Variants in CLUH observed in about 807,000 individuals in gnomAD.
CLUH encodes clustered mitochondria protein homolog.
In CLUH, 77 loss-of-function variants were observed where a neutral mutation model predicts 139.3. That is an observed-to-expected ratio of 0.55 (90% CI 0.46 to 0.67). The LOEUF (loss-of-function observed/expected upper bound fraction) is 0.67. Among genes scored for constraint, CLUH ranks in the 30% least tolerant of loss-of-function variants. CLUH has a pLI of 0.00. For synonymous variants in CLUH, 999 were observed against 801.6 expected (o/e 1.25, Z -4.16); for missense variants, 1,876 against 1,875.8 (o/e 1.00, Z 0.00).
intron 3 of CLUH, among the ~76,000 whole-genome samples, chr17:2,702,893 G>C (rs748810475): frequency 6.6e-6 from 1 of 151,498 alleles, no homozygotes; most frequent in Non-Finnish European, 1.5e-5. Flanking sequence ...GGCACGATCC[G>C]GGCACACTGC....
At chr17:2,691,714 G>A (rs763264786) in intron 24 of CLUH, 32 bp from the exon 25 acceptor site, 8 of 1,605,506 alleles carry the variant, frequency 5.0e-6, no homozygotes, top group Non-Finnish European at 6.8e-6. Flanking sequence ...GGTGAGCGGG[G>A]CTCCCGCGCT....
rs1161451750 is a variant in CLUH at position 2,696,135 on chromosome 17, C to A, written c.2391+24G>T. 2.0e-6 allele frequency: 3 copies of A among 1,537,870 alleles called. No homozygotes were observed. The African/African-American group carries it at 4.1e-5, about 21-fold the overall frequency. On this transcript the variant is annotated intron_variant, in intron 13 of 25. Coordinates refer to ENST00000651024, the MANE Select transcript of CLUH (RefSeq NM_001366661.1). Reference sequence around the variant, plus strand: ...CCAGCACCCTCCACACAAGCCCCACCCAGCCCCGCAGCCCCTCCCTCACCA... The same window carrying A: ...CCAGCACCCTCCACACAAGCCCCACACAGCCCCGCAGCCCCTCCCTCACCA...
At chr17:2,696,052 A>G (rs1398188349) in intron 13 of CLUH, 107 bp downstream of exon 13, 4 of 924,628 alleles carry the variant, frequency 4.3e-6, no homozygotes, top group Non-Finnish European at 5.0e-6. Flanking sequence ...GGAAAGCTGA[A>G]AAAGTCACTC....
intron 24 of CLUH, 37 bp from the exon 25 acceptor site, chr17:2,691,719 C>T (rs760405042): frequency 8.7e-6 from 14 of 1,604,186 alleles, no homozygotes; most frequent in Admixed American, 8.5e-5. Flanking sequence ...GCGGGGCTCC[C>T]GCGCTCGCCG....
At position 2,694,293 on chromosome 17, in the gene CLUH, C is replaced by T. The variant is rs752140709; in HGVS notation, c.2938-17G>A. 6.4e-7 allele frequency: 1 copy of T among 1,570,244 alleles called. No individual in the cohort carries two copies. The highest frequency in any genetic ancestry group is 8.6e-7 in the Non-Finnish European group (1 of 1,156,278). On this transcript the variant is annotated splice_polypyrimidine_tract_variant and intron_variant, in intron 17 of 25. Coordinates refer to ENST00000651024, the MANE Select transcript of CLUH (RefSeq NM_001366661.1). ...CAGCAGGACCTGGGGGGCAGCCCCCCCACCACAGGAAGCCTCAGGCCCAGG... is the reference window on the plus strand; with the variant it reads ...CAGCAGGACCTGGGGGGCAGCCCCCTCACCACAGGAAGCCTCAGGCCCAGG...
At chr17:2,691,928 C>T (rs746382623) in intron 23 of CLUH, 33 bp from the exon 24 acceptor site, 50 of 1,147,534 alleles carry the variant, frequency 4.4e-5, no homozygotes, top group Admixed American at 9.8e-5. Context: ...CAGGCCCCCC[C>T]GTGCCCCCGC....
At position 2,690,585 on chromosome 17, in the gene CLUH, G is replaced by A. The variant is rs1355340527; in HGVS notation, c.*9C>T. 1.4e-6 allele frequency: 2 copies of A among 1,448,118 alleles called. No individual in the cohort carries two copies. The highest frequency in any genetic ancestry group is 9.1e-7 in the Non-Finnish European group (1 of 1,098,256). The allele number at this position is 1,448,118 out of a possible 1,614,324, so 89.7% of individuals were successfully genotyped here. ...GGGCCGCTGGCTGGCTGTCCGTCTG[G>A]CTCCCTCTCTATCCCTGCACGCTCG... On this transcript the variant is annotated 3_prime_UTR_variant, in exon 26 of 26. Transcript: ENST00000651024.
chr17:2,694,826 AC>A, intron 16 of CLUH, 30 bp downstream of exon 16: 1 of 796,144 alleles, frequency 1.3e-6, no homozygotes, highest in Non-Finnish European at 1.8e-6. Context: ...GCCCAATCCC[AC>A]CCACCCCACC....
At chr17:2,692,224 G>T in intron 22 of CLUH, 127 bp from the exon 23 acceptor site, 1 of 1,446,488 alleles carries the variant, frequency 6.9e-7, no homozygotes, top group Admixed American at 2.1e-5. Flanking sequence ...AGCAAGTCCA[G>T]GGCTCAGGGA....
At chr17:2,692,723 G>T in intron 20 of CLUH, 27 bp from the exon 21 acceptor site, 2 of 1,605,158 alleles carry the variant, frequency 1.2e-6, no homozygotes, top group African/African-American at 2.7e-5. Flanking sequence ...GACAGGTCAG[G>T]GTGGCCGCGG....
intron 13 of CLUH, 93 bp downstream of exon 13, chr17:2,696,066 C>T (rs1437568793): frequency 9.7e-6 from 10 of 1,035,590 alleles, no homozygotes; most frequent in Non-Finnish European, 1.0e-5. Flanking sequence ...GTCACTCCTG[C>T]GAGCCTGTGT....
Position 2,702,045 on chromosome 17 carries a change from A to C in CLUH, c.488T>G (p.Val163Gly), listed in dbSNP as rs2070204101. 1.2e-6 allele frequency: 2 copies of C among 1,613,572 alleles called. No homozygotes were observed. The highest frequency in any genetic ancestry group is 2.2e-5 in the South Asian group (2 of 91,002). ...GCGCACGTGGATGCGGGCCTCACGC[A>C]CCGTGTACGGCTCTGTCAGGAAGGC... is the stretch of plus-strand genomic sequence containing the variant. ...VLRVVEEPYT[V>G]REARIHVRHV... The change falls in exon 4 of 26, where the codon GTG (valine) becomes GGG (glycine). Residue 163 changes from valine to glycine, a missense_variant. Physicochemically the swap from Val to Gly is moderately radical, Grantham distance 109. This residue lies in a region of CLUH where 270 missense variants were observed against 354.7 expected (regional missense o/e 0.76). Coordinates refer to ENST00000651024, the MANE Select transcript of CLUH (RefSeq NM_001366661.1).
In CLUH at chr17:2,701,909, C is replaced by T. The variant is rs540418975; in HGVS notation, c.619+5G>A. The stretch of plus-strand genomic sequence containing the variant: ...CCCAATCCCCGGCCCCAGTGCCTCC[C>T]GCACCTCCCAGGTCGCCGTCGGTGA... On this transcript the variant is annotated splice_donor_5th_base_variant and intron_variant, in intron 4 of 25. Coordinates refer to ENST00000651024, the MANE Select transcript of CLUH (RefSeq NM_001366661.1). The T allele has an allele frequency of 1.7e-5, 28 of 1,613,556 alleles. No individual in the cohort carries two copies. The East Asian group carries it at 1.8e-4, about 10-fold the overall frequency.
chr17:2,696,375 C>A (rs1005330214), intron 12 of CLUH, 59 bp downstream of exon 12: 5 of 1,512,646 alleles, frequency 3.3e-6, no homozygotes, highest in Admixed American at 2.0e-5. Context: ...AGGGCCCAGG[C>A]CCCCCAGCGA....
Position 2,691,884 on chromosome 17 carries a change from G to C in CLUH, c.3666C>G (p.Asp1222Glu). The change falls in exon 24 of 26, where the codon GAC becomes GAG. Residue 1222 changes from aspartate to glutamate, a missense_variant. Coordinates refer to ENST00000651024, the MANE Select transcript of CLUH (RefSeq NM_001366661.1). ...YTIYKTQLGEDHEKTKESSEY... is the reference protein window; with the variant it reads ...YTIYKTQLGEEHEKTKESSEY... ...CGGAGCTTTCCTTGGTCTTCTCATG[G>C]TCCTCGCCCAGCTGCGGGGAGGCGG... The C allele has an allele frequency of 6.5e-7, 1 of 1,538,348 alleles. No homozygotes were observed. The highest frequency in any genetic ancestry group is 1.2e-5 in the South Asian group (1 of 83,946).
chr17:2,705,755 A>C (rs2070331797), intron 1 of CLUH, among the ~76,000 whole-genome samples: 1 of 152,186 alleles, frequency 6.6e-6, no homozygotes, highest in Non-Finnish European at 1.5e-5. Flanking sequence ...TAAAGTACTT[A>C]CTGCAAACCT....
In CLUH at chr17:2,697,979, G is replaced by A. The variant is rs147854747; in HGVS notation, c.1878C>T (p.Cys626=). Residue 626 remains cysteine (C), a synonymous_variant, in exon 10 of 26, where the codon TGC becomes TGT. Coordinates refer to ENST00000651024, the MANE Select transcript of CLUH (RefSeq NM_001366661.1). The part of the protein sequence containing the change: ...PVPGEELPEE[C]ARAGFPRAHR... ...GGGCGCGGGGGAAGCCGGCGCGGGC[G>A]CATTCCTCAGGCAGCTCCTCGCCAG... The A allele has an allele frequency of 3.1e-3, 4,884 of 1,586,664 alleles. 8 individuals are homozygous for A. The highest frequency in any genetic ancestry group is 3.7e-3 in the Non-Finnish European group (4,326 of 1,171,860).
rs780150192 is a variant in CLUH, at chr17:2,700,378, G to A, written c.1266+4C>T. On this transcript the variant is annotated splice_donor_region_variant and intron_variant, in intron 9 of 25. Coordinates refer to ENST00000651024, the MANE Select transcript of CLUH (RefSeq NM_001366661.1). The stretch of plus-strand genomic sequence containing the variant: ...GACTGCCGGTCAGCAGAGGCTGCAG[G>A]CACCTTGAATATGGCCCTTTCTCGG... 2 of 1,611,904 alleles carry A rather than the reference G, an allele frequency of 1.2e-6. No individual in the cohort carries two copies. Among genetic ancestry groups the A allele is most frequent in the Non-Finnish European group, 8.5e-7 (1 of 1,179,284 alleles).
At position 2,691,999 on chromosome 17, in the gene CLUH, C is replaced by T. The variant is rs1232163837; in HGVS notation, c.3654+5G>A. The T allele has an allele frequency of 1.4e-6, 2 of 1,469,456 alleles. No individual in the cohort carries two copies. The highest frequency in any genetic ancestry group is 1.5e-5 in the African/African-American group (1 of 68,432). The allele number at this position is 1,469,456 out of a possible 1,614,324, so 91.0% of individuals were successfully genotyped here. On this transcript the variant is annotated splice_donor_5th_base_variant and intron_variant, in intron 23 of 25. Transcript: ENST00000651024. ...CCCCGCCCCCGCCACGCCCCCGCCG[C>T]GCACCTGCGTCTTGTAGATGGTGTA...
Sources: allele counts gnomAD v4.1 joint callset (sites outside exome capture counted in the v4.1 genomes callset), GRCh38; gene constraint gnomAD v4.1.1; regional missense constraint gnomAD v4.1.1; transcripts MANE v1.5; gene names NCBI Gene and HGNC (gene_info 2026-07-23, HGNC 2026-07-21).